BAZ2B: variants seen among roughly 807,000 people sequenced by gnomAD.
The protein encoded by BAZ2B is bromodomain adjacent to zinc finger domain 2B.
In BAZ2B, 91 loss-of-function variants were observed where a neutral mutation model predicts 246.0. The ratio of observed to expected loss-of-function variants is 0.37; its 90% CI spans 0.31 to 0.44. The LOEUF (loss-of-function observed/expected upper bound fraction) is 0.44, where lower values mean the gene tolerates loss of function less well. BAZ2B is among the 20% of genes least tolerant of loss of function. The pLI, the probability that BAZ2B is intolerant of heterozygous loss-of-function variation, is 1.00. For missense variants in BAZ2B, 2,332 were observed against 2,533.7 expected (o/e 0.92, Z 1.71); for synonymous variants, 855 against 860.0 (o/e 0.99, Z 0.10).
chr2:159,604,954 G>GCA (rs1578868697), intron 1 of BAZ2B, among the ~76,000 whole-genome samples: 13 of 138,630 alleles, frequency 9.4e-5, no homozygotes, highest in South Asian at 2.2e-4. Flanking sequence ...GTGTGTGTGC[G>GCA]CGTGTGTGCG....
chr2:159,647,151 C>G, the BAZ2B span, among the ~76,000 whole-genome samples: 1 of 152,022 alleles, frequency 6.6e-6, no homozygotes. Flanking sequence ...TCAGGATTCT[C>G]CAGAGAAACA....
intron 20 of BAZ2B, among the ~76,000 whole-genome samples, chr2:159,389,846 T>C (rs2063115266): frequency 1.3e-5 from 2 of 152,170 alleles, no homozygotes; most frequent in Admixed American, 6.6e-5. Flanking sequence ...AGTAACATGT[T>C]TGAATTTGCA....
chr2:159,457,978 CTTATA>C (rs1159374685), intron 3 of BAZ2B, among the ~76,000 whole-genome samples: 1 of 152,106 alleles, frequency 6.6e-6, no homozygotes, highest in Non-Finnish European at 1.5e-5. Context: ...TTCTCAACCT[CTTATA>C]TAAGTCTGGC....
intron 1 of BAZ2B, among the ~76,000 whole-genome samples, chr2:159,605,194 A>ATT (rs201453437): frequency 6.0e-5 from 9 of 150,012 alleles, no homozygotes; most frequent in Non-Finnish European, 1.3e-4. Context: ...CACCCAGCTG[A>ATT]TTTTTTTTTT....
At chr2:159,496,238 T>C (rs891977953) in intron 2 of BAZ2B, among the ~76,000 whole-genome samples, 49 of 148,510 alleles carry the variant, frequency 3.3e-4, no homozygotes, top group African/African-American at 1.2e-3. Context: ...TAGCCAGGCG[T>C]GATGGCACAT....
chr2:159,509,303 A>C (rs1318827652), intron 2 of BAZ2B, among the ~76,000 whole-genome samples: 4 of 152,174 alleles, frequency 2.6e-5, no homozygotes, highest in Non-Finnish European at 5.9e-5. Flanking sequence ...AATTCTAATT[A>C]CTTGTGGAAA....
chr2:159,359,938 T>A (rs1422808410), intron 27 of BAZ2B, among the ~76,000 whole-genome samples: 1 of 152,132 alleles, frequency 6.6e-6, no homozygotes, highest in Non-Finnish European at 1.5e-5. Flanking sequence ...ATAAACTAGG[T>A]ATTGATGGGA....
chr2:159,627,904 G>A, the BAZ2B span, among the ~76,000 whole-genome samples: 82,734 of 152,042 alleles, frequency 0.54, 23,381 homozygotes, highest in East Asian at 0.74. Flanking sequence ...TGACATGATT[G>A]TGTATTTAGA....
At chr2:159,566,300 C>T (rs1015423549) in intron 1 of BAZ2B, among the ~76,000 whole-genome samples, 4 of 152,106 alleles carry the variant, frequency 2.6e-5, no homozygotes, top group African/African-American at 7.2e-5. Context: ...TGTGACCCAC[C>T]GCGCCTGGCA....
At position 159,325,932 on chromosome 2, in the gene BAZ2B, A is replaced by C. The variant is rs1056818697; in HGVS notation, c.5944-14T>G. 13 of 1,562,736 alleles carry C rather than the reference A, an allele frequency of 8.3e-6. No homozygotes were observed. Among genetic ancestry groups the C allele is most frequent in the Non-Finnish European group, 1.1e-5 (13 of 1,159,854 alleles). On this transcript the variant is annotated splice_polypyrimidine_tract_variant and intron_variant, in intron 34 of 36. Transcript: ENST00000392783. ...TTGACCACTTGCCTTTAATTTAAAAAAAAAGTAAATGAGGTGTAAGAAAGT... is the reference window on the plus strand; with the variant it reads ...TTGACCACTTGCCTTTAATTTAAAACAAAAGTAAATGAGGTGTAAGAAAGT...
chr2:159,372,255 T>G (rs1323799311), intron 27 of BAZ2B, among the ~76,000 whole-genome samples: 1 of 152,232 alleles, frequency 6.6e-6, no homozygotes, highest in East Asian at 1.9e-4. Flanking sequence ...CCATGTCTGA[T>G]GGGGACAAAA....
At chr2:159,546,967 T>C (rs1216232692) in intron 2 of BAZ2B, among the ~76,000 whole-genome samples, 2 of 152,158 alleles carry the variant, frequency 1.3e-5, no homozygotes, top group East Asian at 3.8e-4. Flanking sequence ...GCCAAGTGTC[T>C]ACGTTTTCTG....
At chr2:159,454,003 T>C (rs758622620) in intron 3 of BAZ2B, among the ~76,000 whole-genome samples, 4 of 152,144 alleles carry the variant, frequency 2.6e-5, no homozygotes, top group Non-Finnish European at 5.9e-5. Context: ...TTAAAATAAA[T>C]GGCATAAATT....
In BAZ2B at chr2:159,583,137, G is replaced by A. The variant is rs556857877; in HGVS notation, c.-45-27272C>T. Among the ~76,000 whole-genome samples, 5 of 146,446 alleles carry A rather than the reference G, an allele frequency of 3.4e-5. No individual in the cohort carries two copies. In the South Asian group the frequency reaches 6.4e-4, roughly 19 times the overall value. ...CTTTTTTTTTTTTTTTTGTTGAGAC[G>A]GAGTCTCACTCCTGTTGCCCAGGCT... On this transcript the variant is annotated intron_variant, in intron 1 of 36. Coordinates refer to ENST00000392783, the MANE Select transcript of BAZ2B (RefSeq NM_013450.4).
the BAZ2B span, among the ~76,000 whole-genome samples, chr2:159,652,011 A>G: frequency 2.0e-5 from 3 of 152,164 alleles, no homozygotes; most frequent in Admixed American, 6.6e-5. Context: ...ACATTCATAT[A>G]CACGTTTTTT....
Position 159,324,951 on chromosome 2 carries a change from C to T in BAZ2B, c.6213G>A (p.Met2071Ile). Reference protein sequence around the residue: ...DDSKDLALCSMILTEMETHED... With the variant: ...DDSKDLALCSIILTEMETHED... The stretch of plus-strand genomic sequence containing the variant: ...CATGAGTTTCCATTTCAGTCAGAAT[C>T]ATACTAAAGAAAATAATGTTTGAAA... Residue 2071 changes from methionine (M) to isoleucine (I), a missense_variant, in exon 36 of 37, where the codon ATG becomes ATA. Coordinates refer to ENST00000392783, the MANE Select transcript of BAZ2B (RefSeq NM_013450.4). The T allele has an allele frequency of 4.6e-6, 7 of 1,518,978 alleles. No homozygotes were observed. Among genetic ancestry groups the T allele is most frequent in the Non-Finnish European group, 6.1e-6 (7 of 1,145,830 alleles). The allele number at this position is 1,518,978 out of a possible 1,614,324, so 94.1% of individuals were successfully genotyped here.
chr2:159,472,683 T>G (rs2150822382), intron 3 of BAZ2B, among the ~76,000 whole-genome samples: 1 of 152,276 alleles, frequency 6.6e-6, no homozygotes, highest in Admixed American at 6.5e-5. Context: ...TATTGAGAGG[T>G]TTTAGCATGA....
chr2:159,682,459 G>A, the BAZ2B span, among the ~76,000 whole-genome samples: 1 of 152,072 alleles, frequency 6.6e-6, no homozygotes, highest in Non-Finnish European at 1.5e-5. Context: ...TTACAGGTGT[G>A]AGCCACCAAA....
In BAZ2B at chr2:159,556,524, G is replaced by A. The variant is rs181401385; in HGVS notation, c.-45-659C>T. Reference sequence around the variant, plus strand: ...CACCCAGGCTGGAGTGCAGTGGCGCGATCGTGGCTCACTGCAACCTCTGCC... The same window carrying A: ...CACCCAGGCTGGAGTGCAGTGGCGCAATCGTGGCTCACTGCAACCTCTGCC... On this transcript the variant is annotated intron_variant, in intron 1 of 36. Transcript: ENST00000392783. Among the ~76,000 whole-genome samples, 906 of 139,466 alleles carry A rather than the reference G, an allele frequency of 6.5e-3. 7 individuals are homozygous for A. Among genetic ancestry groups the A allele is most frequent in the Non-Finnish European group, 9.2e-3 (621 of 67,764 alleles). 91.5% of individuals were successfully genotyped at this position (139,466 alleles called of 152,430 possible).
Sources: gnomAD v4.1 joint callset for allele counts (sites outside exome capture counted in the v4.1 genomes callset) on GRCh38, gnomAD v4.1.1 for gene constraint, MANE v1.5 for transcripts, NCBI Gene and HGNC (gene_info 2026-07-23, HGNC 2026-07-21) for gene names.